Variants in AIFM3 observed in about 807,000 individuals in gnomAD.
AIFM3 encodes apoptosis-inducing factor 3.
Under a neutral mutation model 82.7 loss-of-function variants are expected in AIFM3, and 71 were observed. That is an observed-to-expected ratio of 0.86 (90% CI 0.71 to 1.05). The LOEUF (loss-of-function observed/expected upper bound fraction) is 1.05. Among genes scored for constraint, AIFM3 ranks in the 50% least tolerant of loss-of-function variants. The probability of loss-of-function intolerance (pLI) is 0.00; values close to 1 mark genes in which losing one functional copy is unlikely to be tolerated. For synonymous variants in AIFM3, 337 were observed against 329.1 expected (o/e 1.02, Z -0.26); for missense variants, 748 against 816.7 (o/e 0.92, Z 1.03).
intron 14 of AIFM3, 151 bp from the exon 15 acceptor site, chr22:20,977,549 T>C: frequency 1.2e-6 from 1 of 861,244 alleles, no homozygotes; most frequent in South Asian, 1.5e-5. Flanking sequence ...GGAGACCGGG[T>C]AGTGGGGACC....
chr22:20,969,333 C>T (rs1030023721), intron 2 of AIFM3, among the ~76,000 whole-genome samples: 7 of 152,206 alleles, frequency 4.6e-5, no homozygotes, highest in Non-Finnish European at 1.0e-4. Flanking sequence ...GGCTGTGTGG[C>T]CTTGGGCAGG....
chr22:20,968,045 C>A (rs975229686), intron 2 of AIFM3, 70 bp downstream of exon 2: 11 of 1,471,416 alleles, frequency 7.5e-6, no homozygotes, highest in East Asian at 2.5e-5. Flanking sequence ...TCTCCCCCCC[C>A]TCCCCCTCTG....
At chr22:20,970,845 C>T (rs940093938) in intron 2 of AIFM3, among the ~76,000 whole-genome samples, 36 of 152,344 alleles carry the variant, frequency 2.4e-4, no homozygotes, top group African/African-American at 8.4e-4. Flanking sequence ...TCAAGCGATC[C>T]TCCTGCCTTG....
chr22:20,965,584 A>C (rs1922827498), upstream of AIFM3: 1 of 152,344 alleles, frequency 6.6e-6, no homozygotes, highest in Non-Finnish European at 1.5e-5. Flanking sequence ...GCTTGCCCTG[A>C]GCTCCGTGGG....
chr22:20,978,230 G>C (rs1273388850), intron 16 of AIFM3, among the ~76,000 whole-genome samples: 2 of 150,148 alleles, frequency 1.3e-5, no homozygotes, highest in Non-Finnish European at 3.0e-5. Flanking sequence ...CCTTCTGGTA[G>C]TCTCTCCCTT....
intron 16 of AIFM3, among the ~76,000 whole-genome samples, 190 bp from the exon 17 acceptor site, chr22:20,979,081 G>A (rs934370427): frequency 2.0e-5 from 3 of 152,236 alleles, no homozygotes; most frequent in East Asian, 3.8e-4. Flanking sequence ...CTAGCTTTGA[G>A]GCAGGTGTTC....
At position 20,977,844 on chromosome 22, in the gene AIFM3, G is replaced by A. The variant is rs936034320; in HGVS notation, c.1360-44G>A. The A allele has an allele frequency of 8.7e-6, 14 of 1,613,776 alleles. No homozygotes were observed. In the African/African-American group the frequency reaches 1.6e-4, roughly 18 times the overall value. ...TGGGAGTGGCAGGAGGTTCAGGTCAGGGCCCCTGTCACACCCATGGAGCTC... is the reference window on the plus strand; with the variant it reads ...TGGGAGTGGCAGGAGGTTCAGGTCAAGGCCCCTGTCACACCCATGGAGCTC... On this transcript the variant is annotated intron_variant, in intron 15 of 20. Transcript: ENST00000440238.
At chr22:20,980,702 C>G (rs1924047444) in intron 19 of AIFM3, 45 bp from the exon 20 acceptor site, 1 of 1,613,902 alleles carries the variant, frequency 6.2e-7, no homozygotes, top group South Asian at 1.1e-5. Flanking sequence ...ATGACATGCT[C>G]TCTCCTTGGC....
chr22:20,980,219 G>C, intron 19 of AIFM3, 95 bp downstream of exon 19: 2 of 1,136,086 alleles, frequency 1.8e-6, no homozygotes, highest in East Asian at 5.1e-5. Context: ...CAACCCTCCA[G>C]GGCCTTTCCC....
upstream of AIFM3, chr22:20,965,326 G>C (rs1194198903): frequency 6.6e-6 from 1 of 151,736 alleles, no homozygotes; most frequent in Non-Finnish European, 1.5e-5. Context: ...ACCCCGGCCC[G>C]GCACGTTAGG....
At chr22:20,969,370 T>C (rs1371802474) in intron 2 of AIFM3, among the ~76,000 whole-genome samples, 1 of 152,076 alleles carries the variant, frequency 6.6e-6, no homozygotes, top group Non-Finnish European at 1.5e-5. Flanking sequence ...AGCCTCTGCA[T>C]CCTCATTGTA....
chr22:20,973,840 C>G lies in AIFM3; in HGVS notation c.328C>G (p.Pro110Ala). ...GEFHALGHKC[P>A]HYGAPLVKGV... ...GTTCCACGCCCTGGGCCATAAGTGT[C>G]CGCACTACGGCGCACCCCTGGTGAA... is the stretch of plus-strand genomic sequence containing the variant. Residue 110 changes from proline (P) to alanine (A), a missense_variant, in exon 4 of 21, where the codon CCG becomes GCG. Transcript: ENST00000440238. The G allele has an allele frequency of 6.4e-7, 1 of 1,567,580 alleles. No individual in the cohort carries two copies. Among genetic ancestry groups the G allele is most frequent in the Non-Finnish European group, 8.7e-7 (1 of 1,155,914 alleles).
At chr22:20,978,978 G>A (rs1244671099) in intron 16 of AIFM3, among the ~76,000 whole-genome samples, 1 of 152,074 alleles carries the variant, frequency 6.6e-6, no homozygotes, top group Non-Finnish European at 1.5e-5. Flanking sequence ...TGTGTGCACA[G>A]CTGAAATGGT....
chr22:20,976,844 C>T (rs1014569101), intron 12 of AIFM3, 23 bp from the exon 13 acceptor site: 6 of 1,594,536 alleles, frequency 3.8e-6, no homozygotes, highest in Non-Finnish European at 5.1e-6. Context: ...ATCCACCGCC[C>T]ACCTGCCCAC....
intron 2 of AIFM3, among the ~76,000 whole-genome samples, chr22:20,968,553 C>T (rs2147934351): frequency 1.3e-5 from 2 of 152,208 alleles, no homozygotes; most frequent in South Asian, 4.1e-4. Context: ...CACCATCCAA[C>T]CTAGCCTGAG....
rs541667919 is a variant in AIFM3 at position 20,971,940 on chromosome 22, G to A, written c.32-1367G>A. Among the ~76,000 whole-genome samples the A allele has an allele frequency of 9.5e-4, 144 of 151,554 alleles. 7 individuals are homozygous for A. In the South Asian group the frequency reaches 0.016, roughly 17 times the overall value. ...CTAGAGCTGGCCCCGTGGGCACGCT[G>A]GGGAAGTGGCTCTGTATGGAGGCTG... On this transcript the variant is annotated intron_variant, in intron 2 of 20. Coordinates refer to ENST00000440238, the MANE Select transcript of AIFM3 (RefSeq NM_001386814.1).
intron 6 of AIFM3, 42 bp from the exon 7 acceptor site, chr22:20,974,483 G>A: frequency 6.3e-7 from 1 of 1,587,460 alleles, no homozygotes; most frequent in South Asian, 1.1e-5. Context: ...ATGATGGCAT[G>A]CAGAGGATGG....
At position 20,975,782 on chromosome 22, in the gene AIFM3, C is replaced by G. The variant is rs750519158; in HGVS notation, c.807+4C>G. The G allele has an allele frequency of 1.9e-5, 30 of 1,611,698 alleles. No individual in the cohort carries two copies. Among genetic ancestry groups the G allele is most frequent in the Non-Finnish European group, 2.5e-5 (29 of 1,179,944 alleles). On this transcript the variant is annotated splice_donor_region_variant and intron_variant, in intron 9 of 20. Coordinates refer to ENST00000440238, the MANE Select transcript of AIFM3 (RefSeq NM_001386814.1). ...CGAGGTGCTCACCGAGGCTCAGGTA[C>G]AGGGTCAAGGGTGGGAAACAGGCCC...
intron 9 of AIFM3, 103 bp downstream of exon 9, chr22:20,975,881 C>T: frequency 7.5e-7 from 1 of 1,341,686 alleles, no homozygotes; most frequent in South Asian, 1.2e-5. Context: ...CTTCCTGGCC[C>T]CACAGCCCAG....
Sources: allele counts gnomAD v4.1 joint callset (sites outside exome capture counted in the v4.1 genomes callset), GRCh38; gene constraint gnomAD v4.1.1; transcripts MANE v1.5; gene names NCBI Gene and HGNC (gene_info 2026-07-23, HGNC 2026-07-21).